The following LAMA3 variants were observed in gnomAD, a reference collection of about 807,000 sequenced individuals.
LAMA3 encodes the protein laminin subunit alpha-3.
LAMA3 carries 281 observed loss-of-function variants against 402.0 expected under a neutral mutation model. That is an observed-to-expected ratio of 0.70 (90% confidence interval 0.63 to 0.77). The LOEUF is 0.77. Among genes scored for constraint, LAMA3 ranks in the 30% least tolerant of loss-of-function variants. The pLI is 0.00. For synonymous variants in LAMA3, 1,431 were observed against 1,558.4 expected (o/e 0.92, Z 1.93); for missense variants, 3,840 against 4,215.5 (o/e 0.91, Z 2.47).
At chr18:23,856,833 C>T (rs560659314) in intron 32 of LAMA3, among the ~76,000 whole-genome samples, 1 of 152,168 alleles carries the variant, frequency 6.6e-6, no homozygotes, top group African/African-American at 2.4e-5. Flanking sequence ...AGAAACCTCA[C>T]CCCAAAATAG....
intron 65 of LAMA3, chr18:23,931,440 T>G: frequency 2.0e-6 from 1 of 493,190 alleles, no homozygotes; most frequent in Non-Finnish European, 3.6e-6. Flanking sequence ...GAGGGTTGCT[T>G]GAGGCCAAGA....
At chr18:23,925,813 C>T (rs2081986633) in intron 62 of LAMA3, among the ~76,000 whole-genome samples, 1 of 152,214 alleles carries the variant, frequency 6.6e-6, no homozygotes, top group African/African-American at 2.4e-5. Flanking sequence ...TCCATTTTAA[C>T]ACTTCTGCTG....
At chr18:23,834,134 A>G (rs1045163813) in intron 24 of LAMA3, 146 bp downstream of exon 24, 2 of 889,998 alleles carry the variant, frequency 2.2e-6, no homozygotes, top group Non-Finnish European at 3.7e-6. Flanking sequence ...GTGTGGCCCA[A>G]CGTCATCACC....
rs200423646 is a variant in LAMA3, at chr18:23,884,864, C to T, written c.5303+11C>T. The T allele has an allele frequency of 6.3e-6, 10 of 1,598,572 alleles. No homozygotes were observed. The highest frequency in any genetic ancestry group is 2.3e-5 in the East Asian group (1 of 44,260). On this transcript the variant is annotated intron_variant, in intron 41 of 74. Transcript: ENST00000313654. ...AACACAGTGTGAAAGGTAAGGTGGG[C>T]GCCCCTCCCGCCTCAGCCTGCAGAG...
chr18:23,850,457 T>C (rs542615987), intron 32 of LAMA3, among the ~76,000 whole-genome samples: 1 of 152,352 alleles, frequency 6.6e-6, no homozygotes, highest in East Asian at 1.9e-4. Flanking sequence ...ACTGGGCAAG[T>C]CATTTTGTCT....
chr18:23,821,058 T>C (rs757669194), intron 19 of LAMA3, among the ~76,000 whole-genome samples: 3 of 152,204 alleles, frequency 2.0e-5, no homozygotes, highest in African/African-American at 4.8e-5. Flanking sequence ...GTAAATTCCA[T>C]TGTGTCATAA....
intron 70 of LAMA3, among the ~76,000 whole-genome samples, chr18:23,947,812 CTTTTT>C (rs35106056): frequency 6.3e-5 from 7 of 110,494 alleles, no homozygotes; most frequent in African/African-American, 8.6e-5. Flanking sequence ...TTCCTATTTT[CTTTTT>C]TTTTTTTTTT....
intron 12 of LAMA3, 82 bp from the exon 13 acceptor site, chr18:23,810,284 T>G: frequency 6.5e-7 from 1 of 1,544,016 alleles, no homozygotes; most frequent in Non-Finnish European, 8.9e-7. Context: ...GGCTCCACCC[T>G]CATGCTCTGC....
At chr18:23,901,744 T>A (rs555957019) in intron 48 of LAMA3, among the ~76,000 whole-genome samples, 4 of 152,370 alleles carry the variant, frequency 2.6e-5, no homozygotes, top group African/African-American at 9.6e-5. Flanking sequence ...TAAGCCATAA[T>A]CTGCTTTATA....
At chr18:23,777,703 C>T in intron 11 of LAMA3, 84 bp downstream of exon 11, 1 of 1,014,034 alleles carries the variant, frequency 9.9e-7, no homozygotes, top group South Asian at 1.3e-5. Context: ...ACTGCCACAT[C>T]CAAGGCCAAG....
At chr18:23,826,098 G>T (rs550292630) in intron 21 of LAMA3, among the ~76,000 whole-genome samples, 2 of 152,172 alleles carry the variant, frequency 1.3e-5, no homozygotes, top group African/African-American at 4.8e-5. Context: ...ACGGCTAGGG[G>T]CTGTCAATCA....
chr18:23,831,367 C>G (rs1335787477), intron 23 of LAMA3, among the ~76,000 whole-genome samples: 1 of 152,160 alleles, frequency 6.6e-6, no homozygotes, highest in African/African-American at 2.4e-5. Flanking sequence ...GACCTACCTT[C>G]AGTCTCTTGG....
chr18:23,913,903 G>T (rs1345936078), intron 56 of LAMA3, among the ~76,000 whole-genome samples: 1 of 152,164 alleles, frequency 6.6e-6, no homozygotes, highest in Non-Finnish European at 1.5e-5. Flanking sequence ...GGTTAAAATG[G>T]TAAGTTTTAT....
At chr18:23,932,466 A>G in intron 66 of LAMA3, 175 bp downstream of exon 66, 1 of 654,350 alleles carries the variant, frequency 1.5e-6, no homozygotes, top group East Asian at 3.0e-5. Context: ...AAACCCATAA[A>G]AAACTCCTGG....
intron 67 of LAMA3, among the ~76,000 whole-genome samples, chr18:23,934,389 C>G (rs1162227777): frequency 1.3e-5 from 2 of 152,162 alleles, no homozygotes; most frequent in Non-Finnish European, 2.9e-5. Context: ...AATGCTTAGG[C>G]TGCATCTGAC....
chr18:23,931,141 C>A lies in LAMA3; in HGVS notation c.8516C>A (p.Ser2839Tyr). The A allele has an allele frequency of 6.2e-7, 1 of 1,613,326 alleles. No homozygotes were observed. The highest frequency in any genetic ancestry group is 8.5e-7 in the Non-Finnish European group (1 of 1,179,224). Residue 2839 changes from serine (S) to tyrosine (Y), a missense_variant, in exon 65 of 75, where the codon TCT (serine) becomes TAT (tyrosine). By Grantham distance (144) the Ser-to-Tyr change is moderately radical. Transcript: ENST00000313654. Reference protein sequence around the residue: ...TSDSGGPIFKSPQTYMDGLLH... With the variant: ...TSDSGGPIFKYPQTYMDGLLH... ...GATAGCGGCGGCCCAATTTTTAAATCTCCACAGACGTATATGGATGGTTTA... is the reference window on the plus strand; with the variant it reads ...GATAGCGGCGGCCCAATTTTTAAATATCCACAGACGTATATGGATGGTTTA...
At chr18:23,749,927 A>G (rs1254624032) in intron 4 of LAMA3, among the ~76,000 whole-genome samples, 1 of 152,184 alleles carries the variant, frequency 6.6e-6, no homozygotes, top group Admixed American at 6.5e-5. Flanking sequence ...GGCAGCAGGT[A>G]GATTTTCTCT....
intron 1 of LAMA3, among the ~76,000 whole-genome samples, chr18:23,702,744 G>A (rs1481261859): frequency 1.3e-5 from 2 of 152,100 alleles, no homozygotes; most frequent in Admixed American, 6.5e-5. Context: ...TGAGGCACCC[G>A]CAGATTCAGA....
At chr18:23,741,189 G>A (rs2061557245) in intron 2 of LAMA3, among the ~76,000 whole-genome samples, 1 of 151,918 alleles carries the variant, frequency 6.6e-6, no homozygotes, top group African/African-American at 2.4e-5. Context: ...TCGATCTCCT[G>A]ACCTTGTGAT....
Sources: gnomAD v4.1 joint callset for allele counts (sites outside exome capture counted in the v4.1 genomes callset) on GRCh38, gnomAD v4.1.1 for gene constraint, MANE v1.5 for transcripts, NCBI Gene and HGNC (gene_info 2026-07-23, HGNC 2026-07-21) for gene names.